NRG1: variants seen among roughly 807,000 people sequenced by gnomAD.
The protein encoded by NRG1 is neuregulin 1.
A neutral mutation model predicts 63.8 loss-of-function variants in NRG1; 18 were observed. The ratio of observed to expected loss-of-function variants is 0.28; its 90% CI spans 0.19 to 0.42. The LOEUF is 0.42. NRG1 is among the 10% of genes least tolerant of loss of function. The pLI is 1.00. For missense variants in NRG1, 762 were observed against 814.7 expected (o/e 0.94, Z 0.79); for synonymous variants, 302 against 301.3 (o/e 1.00, Z -0.02).
chr8:32,638,188 A>G (rs1180564339), intron 5 of NRG1, among the ~76,000 whole-genome samples: 1 of 152,214 alleles, frequency 6.6e-6, no homozygotes, highest in Admixed American at 6.5e-5. Flanking sequence ...TTACCTCCCA[A>G]TAACTTTTTT....
At chr8:31,923,269 A>C (rs1482519019) in intron 1 of NRG1, among the ~76,000 whole-genome samples, 2 of 152,136 alleles carry the variant, frequency 1.3e-5, no homozygotes, top group Admixed American at 6.5e-5. Context: ...ATAATTGTAT[A>C]GGTTTTCCTT....
At chr8:32,412,429 T>C (rs1293405774) in intron 1 of NRG1, among the ~76,000 whole-genome samples, 67 of 44,428 alleles carry the variant, frequency 1.5e-3, no homozygotes, top group African/African-American at 4.1e-3. Flanking sequence ...TCTACATATA[T>C]ATATATATAT....
At chr8:32,423,473 G>A (rs993729826) in intron 1 of NRG1, among the ~76,000 whole-genome samples, 1 of 152,040 alleles carries the variant, frequency 6.6e-6, no homozygotes, top group African/African-American at 2.4e-5. Context: ...GTGAAATCTT[G>A]TCTCTACAAA....
At chr8:32,345,308 G>A (rs1238017567) in intron 1 of NRG1, among the ~76,000 whole-genome samples, 1 of 38,324 alleles carries the variant, frequency 2.6e-5, no homozygotes, top group Admixed American at 1.6e-4. Context: ...ACTTGGCTCT[G>A]TTGTCTGGAA....
chr8:31,760,148 G>A (rs769960951), intron 1 of NRG1, among the ~76,000 whole-genome samples: 3 of 152,110 alleles, frequency 2.0e-5, no homozygotes, highest in African/African-American at 4.8e-5. Context: ...GAATGGTAAC[G>A]CCTAGGTTTT....
chr8:31,899,817 G>C (rs1446043577), intron 1 of NRG1, among the ~76,000 whole-genome samples: 3 of 152,116 alleles, frequency 2.0e-5, no homozygotes, highest in African/African-American at 7.2e-5. Context: ...CCTAAGGCAA[G>C]TGGTGAATAG....
At chr8:32,466,052 C>T (rs571774609) in intron 1 of NRG1, among the ~76,000 whole-genome samples, 1 of 152,110 alleles carries the variant, frequency 6.6e-6, no homozygotes, top group African/African-American at 2.4e-5. Flanking sequence ...CCTGTAATAC[C>T]AGCACTTTGG....
At chr8:32,508,562 T>C (rs1385095013) in intron 1 of NRG1, among the ~76,000 whole-genome samples, 2 of 151,658 alleles carry the variant, frequency 1.3e-5, no homozygotes, top group Non-Finnish European at 2.9e-5. Flanking sequence ...CTCCCAAAGT[T>C]CTGGGATTAC....
chr8:31,664,197 A>G (rs992847044), intron 1 of NRG1, among the ~76,000 whole-genome samples: 3 of 152,164 alleles, frequency 2.0e-5, no homozygotes, highest in Non-Finnish European at 4.4e-5. Flanking sequence ...GCACCAGTGG[A>G]TTCCTCTGTA....
intron 1 of NRG1, among the ~76,000 whole-genome samples, chr8:32,324,209 C>G (rs555791773): frequency 3.3e-5 from 5 of 152,266 alleles, no homozygotes; most frequent in African/African-American, 1.2e-4. Context: ...GTCTGTAGAC[C>G]TCTGTGGTTT....
intron 5 of NRG1, among the ~76,000 whole-genome samples, chr8:32,674,435 A>T (rs1370820959): frequency 6.6e-6 from 1 of 152,168 alleles, no homozygotes; most frequent in Non-Finnish European, 1.5e-5. Flanking sequence ...TAAGGATCTG[A>T]ATAGGCAAAG....
At chr8:31,711,824 T>G (rs1811781601) in intron 1 of NRG1, among the ~76,000 whole-genome samples, 1 of 152,200 alleles carries the variant, frequency 6.6e-6, no homozygotes, top group African/African-American at 2.4e-5. Flanking sequence ...ATTCTGTCTT[T>G]TCACTGTATC....
intron 1 of NRG1, among the ~76,000 whole-genome samples, chr8:32,113,300 C>T (rs1479825096): frequency 1.3e-5 from 2 of 152,152 alleles, no homozygotes; most frequent in South Asian, 2.1e-4. Flanking sequence ...TTTCTCCTTT[C>T]CCCTGTCTCT....
chr8:32,028,325 T>C (rs759535159), intron 1 of NRG1, among the ~76,000 whole-genome samples: 19 of 152,152 alleles, frequency 1.2e-4, no homozygotes, highest in Non-Finnish European at 2.5e-4. Context: ...CTGATATGTA[T>C]GGTTTATGGT....
intron 1 of NRG1, among the ~76,000 whole-genome samples, chr8:31,806,677 C>G (rs1234001261): frequency 6.6e-6 from 1 of 152,096 alleles, no homozygotes; most frequent in Non-Finnish European, 1.5e-5. Flanking sequence ...TCCAAATGAC[C>G]ATTAATCATA....
intron 1 of NRG1, among the ~76,000 whole-genome samples, chr8:32,077,464 A>C (rs1223822081): frequency 6.6e-6 from 1 of 152,216 alleles, no homozygotes; most frequent in East Asian, 1.9e-4. Context: ...CAGTGCTTAT[A>C]TCTACAGTCC....
chr8:31,920,771 C>G (rs977253240), intron 1 of NRG1, among the ~76,000 whole-genome samples: 1 of 151,924 alleles, frequency 6.6e-6, no homozygotes, highest in Non-Finnish European at 1.5e-5. Flanking sequence ...TAAGATAATG[C>G]AGGTAAAAGT....
At chr8:32,481,417 CAT>C (rs1825270373) in intron 1 of NRG1, among the ~76,000 whole-genome samples, 1 of 152,180 alleles carries the variant, frequency 6.6e-6, no homozygotes, top group Non-Finnish European at 1.5e-5. Flanking sequence ...ATGCAAGCCA[CAT>C]AGTTGAAGTT....
intron 1 of NRG1, among the ~76,000 whole-genome samples, chr8:31,655,548 G>A (rs778425213): frequency 6.6e-6 from 1 of 152,116 alleles, no homozygotes; most frequent in Non-Finnish European, 1.5e-5. Context: ...GCAAAAATGG[G>A]GTCTGAGAAG....
Sources: gnomAD v4.1 joint callset for allele counts (sites outside exome capture counted in the v4.1 genomes callset) on GRCh38, gnomAD v4.1.1 for gene constraint, MANE v1.5 for transcripts, NCBI Gene and HGNC (gene_info 2026-07-23, HGNC 2026-07-21) for gene names.